SDCCAG8: variants seen among roughly 807,000 people sequenced by gnomAD.
SDCCAG8 encodes serologically defined colon cancer antigen 8.
SDCCAG8 carries 74 observed loss-of-function variants against 101.8 expected under a neutral mutation model. The ratio of observed to expected loss-of-function variants is 0.73; its 90% CI spans 0.60 to 0.88. SDCCAG8 has a LOEUF of 0.88. Among genes scored for constraint, SDCCAG8 ranks in the 40% least tolerant of loss-of-function variants. The pLI is 0.00. For synonymous variants in SDCCAG8, 281 were observed against 292.9 expected, an observed-to-expected ratio of 0.96 and a Z score of 0.41; for missense variants, 787 against 822.6, an observed-to-expected ratio of 0.96 and a Z score of 0.53.
At chr1:243,263,952 G>A (rs1030634337) in intron 1 of SDCCAG8, among the ~76,000 whole-genome samples, 11 of 151,874 alleles carry the variant, frequency 7.2e-5, no homozygotes, top group Non-Finnish European at 1.0e-4. Flanking sequence ...AGTGTAGATA[G>A]ACATGTATTT....
At chr1:243,341,377 T>C (rs1156831721) in intron 11 of SDCCAG8, among the ~76,000 whole-genome samples, 3 of 152,260 alleles carry the variant, frequency 2.0e-5, no homozygotes, top group Non-Finnish European at 4.4e-5. Context: ...GGGTATTGCA[T>C]GTGCAAGGAT....
intron 6 of SDCCAG8, among the ~76,000 whole-genome samples, chr1:243,295,161 A>G (rs1013692448): frequency 6.6e-6 from 1 of 152,214 alleles, no homozygotes; most frequent in African/African-American, 2.4e-5. Context: ...ATAAAGACCA[A>G]TGTCTCAAGT....
At chr1:243,334,944 G>T (rs150160486) in intron 10 of SDCCAG8, among the ~76,000 whole-genome samples, 1 of 152,126 alleles carries the variant, frequency 6.6e-6, no homozygotes, top group Non-Finnish European at 1.5e-5. Context: ...AATTGGGACC[G>T]TCTCCTGTGG....
At chr1:243,488,955 T>G (rs1196575051) in intron 16 of SDCCAG8, 59 bp from the exon 17 acceptor site, 5 of 1,611,826 alleles carry the variant, frequency 3.1e-6, no homozygotes, top group Admixed American at 3.3e-5. Flanking sequence ...ACACAGCCCC[T>G]GGGCCTGTTG....
intron 9 of SDCCAG8, among the ~76,000 whole-genome samples, chr1:243,327,391 TATA>T: frequency 7.1e-6 from 1 of 140,170 alleles, no homozygotes; most frequent in South Asian, 2.4e-4. Context: ...AATTATAATT[TATA>T]ATTTTATAGA....
chr1:243,476,271 A>G, intron 16 of SDCCAG8: 1 of 985,484 alleles, frequency 1.0e-6, no homozygotes, highest in Non-Finnish European at 1.2e-6. Flanking sequence ...GGAGCTAAAT[A>G]AAAAGCTTTC....
At chr1:243,465,659 T>G (rs1352138850) in intron 16 of SDCCAG8, among the ~76,000 whole-genome samples, 2 of 152,242 alleles carry the variant, frequency 1.3e-5, no homozygotes, top group African/African-American at 4.8e-5. Context: ...CAGATACCCA[T>G]GATAGGATCG....
chr1:243,302,104 T>C (rs1269190783), intron 6 of SDCCAG8, among the ~76,000 whole-genome samples: 1 of 151,962 alleles, frequency 6.6e-6, no homozygotes, highest in Non-Finnish European at 1.5e-5. Flanking sequence ...AAAAATTAGC[T>C]GGGCATGATG....
intron 17 of SDCCAG8, among the ~76,000 whole-genome samples, chr1:243,493,621 A>G (rs1667105249): frequency 6.6e-6 from 1 of 152,052 alleles, no homozygotes; most frequent in South Asian, 2.1e-4. Flanking sequence ...AATCACTTAC[A>G]GTTTAGAAAA....
intron 8 of SDCCAG8, among the ~76,000 whole-genome samples, chr1:243,310,671 T>G (rs943024546): frequency 6.6e-6 from 1 of 152,142 alleles, no homozygotes; most frequent in Non-Finnish European, 1.5e-5. Context: ...TCCCTTACAA[T>G]AAAACATTAC....
chr1:243,355,540 C>A (rs1000676674), intron 12 of SDCCAG8, among the ~76,000 whole-genome samples: 1 of 152,138 alleles, frequency 6.6e-6, no homozygotes, highest in East Asian at 1.9e-4. Flanking sequence ...GAGAAAGAAT[C>A]GTTCTACTCG....
At chr1:243,489,269 C>T (rs1471482640) in intron 17 of SDCCAG8, 129 bp downstream of exon 17, 2 of 1,272,692 alleles carry the variant, frequency 1.6e-6, no homozygotes, top group East Asian at 2.5e-5. Flanking sequence ...AGGGAGGTCC[C>T]GAAGACTGTG....
At chr1:243,484,134 G>C (rs1056111822) in intron 16 of SDCCAG8, among the ~76,000 whole-genome samples, 4 of 152,232 alleles carry the variant, frequency 2.6e-5, no homozygotes, top group African/African-American at 7.2e-5. Flanking sequence ...ACGCCAGGCC[G>C]ATCCCTCCTG....
chr1:243,367,082 A>G (rs1003768586), intron 12 of SDCCAG8, among the ~76,000 whole-genome samples: 4 of 152,128 alleles, frequency 2.6e-5, no homozygotes, highest in Admixed American at 2.0e-4. Context: ...TTGGCAAAAA[A>G]AACTATTGTC....
chr1:243,284,175 T>A (rs912663972), intron 4 of SDCCAG8, among the ~76,000 whole-genome samples: 5 of 152,232 alleles, frequency 3.3e-5, no homozygotes, highest in African/African-American at 1.2e-4. Flanking sequence ...AATTGTTTGA[T>A]GAATGCTGGA....
At chr1:243,352,640 A>G (rs767650372) in intron 12 of SDCCAG8, among the ~76,000 whole-genome samples, 10 of 152,216 alleles carry the variant, frequency 6.6e-5, no homozygotes, top group Non-Finnish European at 1.0e-4. Context: ...TATATCCAAT[A>G]TAAATATCAC....
chr1:243,349,985 T>A (rs2075992461), intron 12 of SDCCAG8, among the ~76,000 whole-genome samples: 1 of 152,082 alleles, frequency 6.6e-6, no homozygotes, highest in Non-Finnish European at 1.5e-5. Context: ...ATCCAAAAAT[T>A]TTGGCTGGAA....
At chr1:243,430,894 G>GT (rs768532356) in intron 16 of SDCCAG8, among the ~76,000 whole-genome samples, 8 of 152,068 alleles carry the variant, frequency 5.3e-5, no homozygotes, top group Admixed American at 2.6e-4. Context: ...CAGAGCCATC[G>GT]TGTTTGCTCA....
At chr1:243,293,296 A>AAG in intron 6 of SDCCAG8, 77 bp downstream of exon 6, 6 of 1,435,656 alleles carry the variant, frequency 4.2e-6, no homozygotes, top group Non-Finnish European at 5.7e-6. Context: ...ATTCTGGTAA[A>AAG]ATATATATAA....
Sources: gnomAD v4.1 joint callset for allele counts (sites outside exome capture counted in the v4.1 genomes callset) on GRCh38, gnomAD v4.1.1 for gene constraint, MANE v1.5 for transcripts, NCBI Gene and HGNC (gene_info 2026-07-23, HGNC 2026-07-21) for gene names.